The following BBS9 variants were observed in gnomAD, a reference collection of about 807,000 sequenced individuals.
BBS9 encodes protein PTHB1.
Under a neutral mutation model 117.7 loss-of-function variants are expected in BBS9, and 89 were observed. The observed-to-expected ratio is 0.76, with a 90% CI of 0.64 to 0.90. BBS9 has a LOEUF of 0.90. Among genes scored for constraint, BBS9 ranks in the 40% least tolerant of loss-of-function variants. BBS9 has a pLI of 0.00. For synonymous variants in BBS9, 379 were observed against 370.9 expected (o/e 1.02, Z -0.25); for missense variants, 982 against 1,042.2 (o/e 0.94, Z 0.80).
intron 5 of BBS9, among the ~76,000 whole-genome samples, chr7:33,215,451 T>C (rs1221400003): frequency 6.6e-6 from 1 of 152,196 alleles, no homozygotes; most frequent in African/African-American, 2.4e-5. Context: ...TGCAGAAGAA[T>C]GAAACTAGAC....
chr7:33,244,429 AT>A lies in BBS9; in HGVS notation c.443-12801del, dbSNP rs551962275. 1.6e-4 allele frequency among the ~76,000 whole-genome samples: 25 copies of A among 152,206 alleles called. 1 individual carries two copies. In the South Asian group the frequency reaches 5.0e-3, roughly 30 times the overall value. On this transcript the variant is annotated intron_variant, in intron 5 of 22. Coordinates refer to ENST00000242067, the MANE Select transcript of BBS9 (RefSeq NM_198428.3). ...TGAACCATTTCCAACTTCCTGGCAC[AT>A]TTTTTCCTAACCTTCCTCTGGGATC...
intron 2 of BBS9, among the ~76,000 whole-genome samples, chr7:33,149,824 T>C (rs756897801): frequency 1.3e-5 from 2 of 152,246 alleles, no homozygotes; most frequent in African/African-American, 2.4e-5. Flanking sequence ...ATATACATTT[T>C]GTTTCAGTGG....
At chr7:33,264,233 A>AATTTATAATTTTTAATTATAAACTC (rs1315495390) in intron 6 of BBS9, 57 bp from the exon 7 acceptor site, 20 of 914,344 alleles carry the variant, frequency 2.2e-5, no homozygotes, top group South Asian at 7.7e-5. Flanking sequence ...AGTTTAAAAT[A>AATTTATAATTTTTAATTATAAACTC]ATTTATAATT....
chr7:33,482,935 A>T (rs1408746958), intron 19 of BBS9, among the ~76,000 whole-genome samples: 1 of 152,210 alleles, frequency 6.6e-6, no homozygotes, highest in Non-Finnish European at 1.5e-5. Context: ...ATGAATGGGA[A>T]ATGGGAACTG....
At chr7:33,412,813 G>A (rs1244863990) in intron 19 of BBS9, among the ~76,000 whole-genome samples, 1 of 152,152 alleles carries the variant, frequency 6.6e-6, no homozygotes, top group East Asian at 1.9e-4. Flanking sequence ...TTTAAAGCAT[G>A]TTTTTCATGA....
intron 5 of BBS9, among the ~76,000 whole-genome samples, chr7:33,237,143 C>G (rs567702359): frequency 6.6e-6 from 1 of 152,288 alleles, no homozygotes; most frequent in East Asian, 1.9e-4. Context: ...AAATCTCACT[C>G]TTGTGCCAAG....
intron 4 of BBS9, among the ~76,000 whole-genome samples, chr7:33,163,241 T>C (rs532552406): frequency 1.8e-4 from 27 of 152,352 alleles, no homozygotes; most frequent in Non-Finnish European, 3.5e-4. Flanking sequence ...CAGTATTCTA[T>C]TGAGGATTTT....
chr7:33,533,618 G>A (rs1850920369), intron 20 of BBS9: 1 of 325,598 alleles, frequency 3.1e-6, no homozygotes, highest in Non-Finnish European at 5.8e-6. Context: ...TTAAACAGAC[G>A]TGTGCCTGAT....
intron 5 of BBS9, among the ~76,000 whole-genome samples, chr7:33,204,076 C>T (rs17150810): frequency 0.15 from 21,923 of 150,568 alleles, 1,912 homozygotes; most frequent in South Asian, 0.22. Flanking sequence ...CAGTCAGCAT[C>T]CTAGCAGGAA....
At chr7:33,317,769 G>A (rs1258588773) in intron 9 of BBS9, among the ~76,000 whole-genome samples, 3 of 152,142 alleles carry the variant, frequency 2.0e-5, no homozygotes, top group East Asian at 3.9e-4. Flanking sequence ...ACCCTTGCAT[G>A]GGCCAGGCGC....
intron 17 of BBS9, among the ~76,000 whole-genome samples, chr7:33,374,725 A>T (rs1823506917): frequency 6.6e-6 from 1 of 152,010 alleles, no homozygotes; most frequent in African/African-American, 2.4e-5. Flanking sequence ...AACATGGAGA[A>T]ACCTCATCTC....
At chr7:33,587,920 A>G (rs1585377320) in intron 21 of BBS9, among the ~76,000 whole-genome samples, 2 of 152,206 alleles carry the variant, frequency 1.3e-5, no homozygotes, top group Non-Finnish European at 2.9e-5. Flanking sequence ...AGCCTGGGAA[A>G]AATAAACTGT....
intron 20 of BBS9, among the ~76,000 whole-genome samples, chr7:33,525,305 T>C (rs1165270162): frequency 3.8e-5 from 5 of 131,224 alleles, no homozygotes; most frequent in African/African-American, 1.5e-4. Context: ...GGTATCCTTG[T>C]TGACTTTCTG....
At chr7:33,595,564 G>A (rs1405120814) in intron 21 of BBS9, among the ~76,000 whole-genome samples, 1 of 152,128 alleles carries the variant, frequency 6.6e-6, no homozygotes, top group East Asian at 1.9e-4. Context: ...TGGAGAAATA[G>A]GAACACTTTT....
chr7:33,305,888 C>T (rs1305074917), intron 9 of BBS9, among the ~76,000 whole-genome samples: 2 of 151,802 alleles, frequency 1.3e-5, no homozygotes, highest in Admixed American at 6.6e-5. Flanking sequence ...TTGTGTTCTT[C>T]ATTTTAGTGT....
At chr7:33,511,050 T>G (rs758462123) in intron 20 of BBS9, among the ~76,000 whole-genome samples, 1 of 152,192 alleles carries the variant, frequency 6.6e-6, no homozygotes, top group Non-Finnish European at 1.5e-5. Flanking sequence ...GGCAAGAAGC[T>G]GGCACAAGTG....
chr7:33,330,483 T>C (rs1813797637), intron 9 of BBS9, among the ~76,000 whole-genome samples: 1 of 152,188 alleles, frequency 6.6e-6, no homozygotes, highest in Non-Finnish European at 1.5e-5. Context: ...TAATGTAGTT[T>C]AATTTAGAGA....
intron 19 of BBS9, among the ~76,000 whole-genome samples, chr7:33,447,445 G>A (rs1837159531): frequency 6.6e-6 from 1 of 152,176 alleles, no homozygotes; most frequent in Admixed American, 6.5e-5. Context: ...GCCTTTTTAG[G>A]AGTCATGGCT....
chr7:33,484,204 T>C (rs893415212), intron 19 of BBS9, among the ~76,000 whole-genome samples: 2 of 152,188 alleles, frequency 1.3e-5, no homozygotes, highest in Non-Finnish European at 1.5e-5. Flanking sequence ...TGTTAATCAA[T>C]AGAGTCAGCT....
Sources: gnomAD v4.1 joint callset for allele counts (sites outside exome capture counted in the v4.1 genomes callset) on GRCh38, gnomAD v4.1.1 for gene constraint, MANE v1.5 for transcripts, NCBI Gene and HGNC (gene_info 2026-07-23, HGNC 2026-07-21) for gene names.